REG3G: variants seen among roughly 807,000 people sequenced by gnomAD.
REG3G encodes the protein regenerating islet-derived protein 3-gamma.
In REG3G, 19 loss-of-function variants were observed where a neutral mutation model predicts 20.9. The observed-to-expected ratio is 0.91, with a 90% CI of 0.64 to 1.34. The LOEUF (loss-of-function observed/expected upper bound fraction) is 1.34. Among genes scored for constraint, REG3G ranks in the 40% most tolerant of loss-of-function variants. The pLI is 0.00. For synonymous variants in REG3G, 89 were observed against 77.4 expected (o/e 1.15, Z -0.79); for missense variants, 235 against 205.0 (o/e 1.15, Z -0.89).
intron 4 of REG3G, 115 bp downstream of exon 4, chr2:79,027,286 T>C: frequency 8.9e-7 from 1 of 1,126,874 alleles, no homozygotes; most frequent in Non-Finnish European, 1.3e-6. Context: ...GGAGCTCAGA[T>C]TCTGGGGGAC....
In REG3G at chr2:79,026,789, C is replaced by G; in HGVS notation, c.153C>G (p.Cys51Trp). 6.2e-7 allele frequency: 1 copy of G among 1,613,652 alleles called. No individual in the cohort carries two copies. Among genetic ancestry groups the G allele is most frequent in the East Asian group, 2.2e-5 (1 of 44,804 alleles). ...PKGSKAYGSPCYALFLSPKSW... is the reference protein window; with the variant it reads ...PKGSKAYGSPWYALFLSPKSW... ...GCTCCAAGGCCTATGGCTCCCCCTG[C>G]TATGCCTTGTTTTTGTCACCAAAAT... is the stretch of plus-strand genomic sequence containing the variant. The change falls in exon 3 of 6, where the codon TGC becomes TGG. Residue 51 changes from cysteine to tryptophan, a missense_variant. Coordinates refer to ENST00000272324, the MANE Select transcript of REG3G (RefSeq NM_001008387.3).
intron 5 of REG3G, 90 bp from the exon 6 acceptor site, chr2:79,028,119 G>A: frequency 7.7e-7 from 1 of 1,296,118 alleles, no homozygotes; most frequent in Non-Finnish European, 1.1e-6. Context: ...TGAGAGAGAA[G>A]CTTTAAATCC....
intron 5 of REG3G, 29 bp downstream of exon 5, chr2:79,027,962 A>C: frequency 6.2e-7 from 1 of 1,613,126 alleles, no homozygotes; most frequent in South Asian, 1.1e-5. Context: ...GCCTCTTCCC[A>C]GCACTTTCCA....
chr2:79,028,186 C>G (rs763779566), intron 5 of REG3G, 23 bp from the exon 6 acceptor site: 9 of 1,565,832 alleles, frequency 5.7e-6, no homozygotes, highest in Non-Finnish European at 7.0e-6. Context: ...CAGCCCCATG[C>G]CTTTTATATT....
Position 79,027,798 on chromosome 2 carries a change from T to A in REG3G, c.334-9T>A. 6.2e-7 allele frequency: 1 copy of A among 1,613,922 alleles called. No homozygotes were observed. The highest frequency in any genetic ancestry group is 8.5e-7 in the Non-Finnish European group (1 of 1,179,888). ...TTTTCTTCACCTGGCTGCCTCCTCTTCTCTATAGGGCTCTGAGCCTGATGG... is the reference window on the plus strand; with the variant it reads ...TTTTCTTCACCTGGCTGCCTCCTCTACTCTATAGGGCTCTGAGCCTGATGG... On this transcript the variant is annotated splice_polypyrimidine_tract_variant and intron_variant, in intron 4 of 5. Coordinates refer to ENST00000272324, the MANE Select transcript of REG3G (RefSeq NM_001008387.3).
rs1052057173 is a variant in REG3G at position 79,028,399 on chromosome 2, T to C, written c.*123T>C. On this transcript the variant is annotated 3_prime_UTR_variant, in exon 6 of 6. Coordinates refer to ENST00000272324, the MANE Select transcript of REG3G (RefSeq NM_001008387.3). Reference sequence around the variant, plus strand: ...ACTGCCCTACCTGACTACCTTGTCATGATCCTCCTTCTTTTTCCTTTTTCT... The same window carrying C: ...ACTGCCCTACCTGACTACCTTGTCACGATCCTCCTTCTTTTTCCTTTTTCT... 3 of 642,772 alleles carry C rather than the reference T, an allele frequency of 4.7e-6. No homozygotes were observed. The highest frequency in any genetic ancestry group is 8.4e-6 in the Non-Finnish European group (3 of 355,560). 39.8% of individuals were successfully genotyped at this position (642,772 alleles called of 1,614,324 possible). A position where few individuals can be genotyped will look rare whatever the true frequency, so the allele number is the denominator to read the frequency against.
At chr2:79,027,007 A>C (rs758700929) in intron 3 of REG3G, 27 bp from the exon 4 acceptor site, 20 of 1,613,656 alleles carry the variant, frequency 1.2e-5, no homozygotes, top group East Asian at 2.2e-5. Flanking sequence ...CTCAGGCTCC[A>C]TCTCATTCTC....
chr2:79,026,786 C>A lies in REG3G; in HGVS notation c.150C>A (p.Pro50=). The A allele has an allele frequency of 6.2e-7, 1 of 1,613,726 alleles. No homozygotes were observed. Among genetic ancestry groups the A allele is most frequent in the Non-Finnish European group, 8.5e-7 (1 of 1,179,922 alleles). Residue 50 remains proline (P), a synonymous_variant, in exon 3 of 6, where the codon CCC becomes CCA. Coordinates refer to ENST00000272324, the MANE Select transcript of REG3G (RefSeq NM_001008387.3). ...AAGGCTCCAAGGCCTATGGCTCCCC[C>A]TGCTATGCCTTGTTTTTGTCACCAA... ...CPKGSKAYGS[P]CYALFLSPKS... is the part of the protein sequence containing the mutation.
At chr2:79,026,264 T>G (rs1299059070) in intron 2 of REG3G, 95 bp downstream of exon 2, 8 of 1,237,850 alleles carry the variant, frequency 6.5e-6, no homozygotes, top group Non-Finnish European at 9.5e-6. Context: ...GGTAATGACG[T>G]GGTGTCTAAT....
Position 79,027,911 on chromosome 2 carries a change from T to C in REG3G, c.438T>C (p.Cys146=). 6.2e-7 allele frequency: 1 copy of C among 1,614,078 alleles called. No homozygotes were observed. The highest frequency in any genetic ancestry group is 8.5e-7 in the Non-Finnish European group (1 of 1,179,966). Reference sequence around the variant, plus strand: ...CCACCATCTTAAACCCTGGCCACTGTGGGAGCCTGTCAAGAAGCACAGGTA... The same window carrying C: ...CCACCATCTTAAACCCTGGCCACTGCGGGAGCCTGTCAAGAAGCACAGGTA... The part of the protein sequence containing the change: ...NPSTILNPGH[C]GSLSRSTGFL... Residue 146 remains cysteine (C), a synonymous_variant, in exon 5 of 6, where the codon TGT becomes TGC. Transcript: ENST00000272324.
rs1671615017 is a variant in REG3G at position 79,026,182 on chromosome 2, T to G, written c.76+13T>G. ...TGTCAGGTTCAAGGTGAGATTTCTC[T>G]GCCTCTAGCACTGGGTTCCCTATGA... On this transcript the variant is annotated intron_variant, in intron 2 of 5. Transcript: ENST00000272324. 1 of 1,613,444 alleles carries G rather than the reference T, an allele frequency of 6.2e-7. No individual in the cohort carries two copies. The highest frequency in any genetic ancestry group is 2.2e-5 in the East Asian group (1 of 44,856).
In REG3G at chr2:79,027,829, G is replaced by T. The variant is rs1468392513; in HGVS notation, c.356G>T (p.Gly119Val). ...PTQGSEPDGD[G>V]WEWSSTDVMN... ...TAGGGCTCTGAGCCTGATGGAGATG[G>T]ATGGGAGTGGAGTAGCACTGATGTG... The change falls in exon 5 of 6, where the codon GGA becomes GTA. Residue 119 changes from glycine to valine, a missense_variant. By Grantham distance (109) the Gly-to-Val change is moderately radical. Coordinates refer to ENST00000272324, the MANE Select transcript of REG3G (RefSeq NM_001008387.3). 2.0e-5 allele frequency: 32 copies of T among 1,614,070 alleles called. No individual in the cohort carries two copies. The highest frequency in any genetic ancestry group is 2.7e-5 in the Non-Finnish European group (32 of 1,179,970).
rs267599466 is a variant in REG3G, at chr2:79,026,822, G to A, written c.186G>A (p.Met62Ile). ...TGTTTTTGTCACCAAAATCCTGGAT[G>A]GATGCAGATGTGAGTGGTTAGATGT... ...YALFLSPKSW[M>I]DADLACQKRP... Residue 62 changes from methionine (M) to isoleucine (I), a missense_variant, in exon 3 of 6, where the codon ATG becomes ATA. Met to Ile is a conservative substitution (Grantham distance 10). Coordinates refer to ENST00000272324, the MANE Select transcript of REG3G (RefSeq NM_001008387.3). 13 of 1,611,238 alleles carry A rather than the reference G, an allele frequency of 8.1e-6. No individual in the cohort carries two copies. The East Asian group carries it at 2.0e-4, about 25-fold the overall frequency.
At chr2:79,025,913 G>C (rs1361018122) in intron 1 of REG3G, 70 bp from the exon 2 acceptor site, 1 of 613,530 alleles carries the variant, frequency 1.6e-6, no homozygotes, top group Non-Finnish European at 2.9e-6. Flanking sequence ...TCTCAGGGAT[G>C]GGTGAGTACA....
intron 5 of REG3G, 70 bp downstream of exon 5, chr2:79,028,003 A>T (rs1671669163): frequency 1.3e-6 from 2 of 1,597,986 alleles, no homozygotes; most frequent in Non-Finnish European, 1.7e-6. Flanking sequence ...GACCTTCAGG[A>T]AATCCTTTTC....
At chr2:79,026,878 C>T (rs781673489) in intron 3 of REG3G, 47 bp downstream of exon 3, 3 of 662,388 alleles carry the variant, frequency 4.5e-6, no homozygotes, top group Non-Finnish European at 5.8e-6. Flanking sequence ...AAAGTCCATG[C>T]AGGTCTCAGG....
chr2:79,026,546 T>G (rs1671623782), intron 2 of REG3G, 167 bp from the exon 3 acceptor site: 1 of 631,896 alleles, frequency 1.6e-6, no homozygotes, highest in South Asian at 2.0e-5. Flanking sequence ...GGTGGCCCAT[T>G]TAGTAGGGCT....
chr2:79,026,784 C>G lies in REG3G; in HGVS notation c.148C>G (p.Pro50Ala), dbSNP rs565464469. Residue 50 changes from proline to alanine, a missense_variant, in exon 3 of 6, where the codon CCC (proline) becomes GCC (alanine). By Grantham distance (27) the Pro-to-Ala change is conservative. Transcript: ENST00000272324. ...CPKGSKAYGS[P>A]CYALFLSPKS... ...CAAAGGCTCCAAGGCCTATGGCTCCCCCTGCTATGCCTTGTTTTTGTCACC... is the reference window on the plus strand; with the variant it reads ...CAAAGGCTCCAAGGCCTATGGCTCCGCCTGCTATGCCTTGTTTTTGTCACC... The G allele has an allele frequency of 4.5e-5, 73 of 1,613,752 alleles. 1 individual carries two copies. The East Asian group carries it at 1.5e-3, about 33-fold the overall frequency.
chr2:79,027,299 T>C, intron 4 of REG3G, 128 bp downstream of exon 4: 2 of 1,018,800 alleles, frequency 2.0e-6, no homozygotes, highest in East Asian at 4.9e-5. Flanking sequence ...TGGGGGACAT[T>C]TGGGAGAATA....
Sources: allele counts gnomAD v4.1 joint callset, GRCh38; gene constraint gnomAD v4.1.1; transcripts MANE v1.5; gene names NCBI Gene and HGNC (gene_info 2026-07-23, HGNC 2026-07-21).